CFAP74: variants seen among roughly 807,000 people sequenced by gnomAD.
The protein encoded by CFAP74 is cilia- and flagella-associated protein 74.
Under a neutral mutation model 188.9 loss-of-function variants are expected in CFAP74, and 124 were observed. The ratio of observed to expected loss-of-function variants is 0.66; its 90% CI spans 0.57 to 0.76. CFAP74 has a LOEUF of 0.76. Ranked by LOEUF, CFAP74 falls within the 30% of genes least tolerant of loss-of-function variation. The pLI is 0.00. For missense variants in CFAP74, 2,198 were observed against 2,165.2 expected, an observed-to-expected ratio of 1.02 and a Z score of -0.30; for synonymous variants, 956 against 916.7, an observed-to-expected ratio of 1.04 and a Z score of -0.77.
At chr1:1,932,445 G>T (rs1488331581) in intron 25 of CFAP74, among the ~76,000 whole-genome samples, 1 of 151,598 alleles carries the variant, frequency 6.6e-6, no homozygotes, top group Admixed American at 6.6e-5. Context: ...GTGTTGCCCA[G>T]GCTGGTCTCA....
chr1:1,930,121 AG>A lies in CFAP74; in HGVS notation c.3226del (p.Leu1076CysfsTer37). The A allele has an allele frequency of 2.0e-6, 3 of 1,535,300 alleles. No homozygotes were observed. Among genetic ancestry groups the A allele is most frequent in the Non-Finnish European group, 2.6e-6 (3 of 1,146,398 alleles). The stretch of plus-strand genomic sequence containing the variant: ...GGTGATAGGCGAGTCTGGGGGCAGC[AG>A]GAACTCGAAAGACGTGGGCCCCATG... ...SPMGPTSFEFLLPPDSPITIS... is the reference protein window; with the variant it reads ...SPMGPTSFEFXLPPDSPITIS... On this transcript the variant is annotated frameshift_variant, in exon 26 of 39. Coordinates refer to ENST00000682832, the MANE Select transcript of CFAP74 (RefSeq NM_001304360.2). LOFTEE classifies it high-confidence loss of function.
rs117346635 is a variant in CFAP74, at chr1:1,974,046, C to T, written c.653G>A (p.Arg218Gln). The change falls in exon 7 of 39, where the codon CGG (arginine) becomes CAG (glutamine). Residue 218 changes from arginine (R) to glutamine (Q), a missense_variant. Physicochemically the swap from Arg to Gln is conservative, Grantham distance 43. Coordinates refer to ENST00000682832, the MANE Select transcript of CFAP74 (RefSeq NM_001304360.2). ...REQEALGKVERNRLLRIRKSL... is the reference protein window; with the variant it reads ...REQEALGKVEQNRLLRIRKSL... The stretch of plus-strand genomic sequence containing the variant: ...CTACCTGATCCTCAGCAGTCGGTTC[C>T]GCTCCACCTTCCCCAGGGCCTCCTG... 574 of 1,589,932 alleles carry T rather than the reference C, an allele frequency of 3.6e-4. 3 individuals are homozygous for T. The East Asian group carries it at 0.01, about 28-fold the overall frequency.
chr1:1,945,681 A>G (rs932215622), intron 20 of CFAP74, among the ~76,000 whole-genome samples: 2 of 152,034 alleles, frequency 1.3e-5, no homozygotes, highest in Non-Finnish European at 2.9e-5. Flanking sequence ...TACAAAAGTT[A>G]GCCAGGTGTG....
At chr1:1,996,219 G>C (rs181750832) in intron 1 of CFAP74, among the ~76,000 whole-genome samples, 2 of 152,052 alleles carry the variant, frequency 1.3e-5, no homozygotes, top group Non-Finnish European at 2.9e-5. Flanking sequence ...TCAAGACCTC[G>C]GGTAATCCGC....
chr1:1,940,390 C>T lies in CFAP74; in HGVS notation c.2629G>A (p.Glu877Lys). The T allele has an allele frequency of 3.3e-6, 5 of 1,531,574 alleles. No individual in the cohort carries two copies. Among genetic ancestry groups the T allele is most frequent in the Non-Finnish European group, 4.4e-6 (5 of 1,145,074 alleles). 94.9% of individuals were successfully genotyped at this position (1,531,574 alleles called of 1,614,324 possible). A position where few individuals can be genotyped will look rare whatever the true frequency, so the allele number is the denominator to read the frequency against. ...LKFLPRHSLP[E>K]DAGRYFDKET... ...TTGTCAAAATACCTCCCTGCGTCCT[C>T]CGGGAGGGAGTGTCTGAAAGAGGCA... Residue 877 changes from glutamate (E) to lysine (K), a missense_variant, in exon 23 of 39, where the codon GAG (glutamate) becomes AAG (lysine). By Grantham distance (56) the Glu-to-Lys change is moderately conservative. Coordinates refer to ENST00000682832, the MANE Select transcript of CFAP74 (RefSeq NM_001304360.2).
At position 1,935,325 on chromosome 1, in the gene CFAP74, C is replaced by T. The variant is rs543689146; in HGVS notation, c.3011+3530G>A. The stretch of plus-strand genomic sequence containing the variant: ...ATACGTGGGTGTTAGGTTGTAGGTA[C>T]ACAGGTGTGTACGTGGGTGTTAGGT... On this transcript the variant is annotated intron_variant, in intron 25 of 38. Transcript: ENST00000682832. Among the ~76,000 whole-genome samples, 287 of 89,986 alleles carry T rather than the reference C, an allele frequency of 3.2e-3. 72 individuals carry two copies. The highest frequency in any genetic ancestry group is 0.011 in the African/African-American group (281 of 24,638). The allele number at this position is 89,986 out of a possible 152,430, so 59.0% of individuals were successfully genotyped here.
chr1:1,978,548 G>A (rs535350270), intron 6 of CFAP74, among the ~76,000 whole-genome samples: 1 of 152,320 alleles, frequency 6.6e-6, no homozygotes, highest in East Asian at 1.9e-4. Context: ...TGATGATGAA[G>A]GTTGGAGGCT....
chr1:1,943,793 T>A (rs933975613), intron 21 of CFAP74, among the ~76,000 whole-genome samples: 4 of 152,202 alleles, frequency 2.6e-5, no homozygotes, highest in Admixed American at 2.6e-4. Context: ...TCTCTCCACG[T>A]CCTGGAGGTC....
intron 14 of CFAP74, among the ~76,000 whole-genome samples, chr1:1,961,621 GA>G (rs1361592819): frequency 6.6e-6 from 1 of 152,118 alleles, no homozygotes; most frequent in African/African-American, 2.4e-5. Context: ...GGATCAATGA[GA>G]GAAACAGGCG....
At chr1:1,949,143 C>T (rs1397816590) in intron 18 of CFAP74, among the ~76,000 whole-genome samples, 7 of 115,890 alleles carry the variant, frequency 6.0e-5, no homozygotes, top group East Asian at 3.2e-4. Context: ...CTCCCTCCCT[C>T]CCTTCCTTCC....
Position 1,939,772 on chromosome 1 carries a change from G to A in CFAP74, c.2704-5C>T, listed in dbSNP as rs1653234110. The stretch of plus-strand genomic sequence containing the variant: ...GGTGAATCCCACTGGCTTGTTCTGA[G>A]ACATAAAGGGCACAGGCGCCCTCGC... On this transcript the variant is annotated splice_region_variant and splice_polypyrimidine_tract_variant and intron_variant, in intron 23 of 38. Coordinates refer to ENST00000682832, the MANE Select transcript of CFAP74 (RefSeq NM_001304360.2). 2.6e-6 allele frequency: 4 copies of A among 1,532,920 alleles called. No individual in the cohort carries two copies. Among genetic ancestry groups the A allele is most frequent in the Non-Finnish European group, 3.5e-6 (4 of 1,144,242 alleles). 95.0% of individuals were successfully genotyped at this position (1,532,920 alleles called of 1,614,324 possible).
chr1:1,951,798 C>T (rs1001008106), intron 18 of CFAP74, among the ~76,000 whole-genome samples: 2 of 152,178 alleles, frequency 1.3e-5, no homozygotes, highest in African/African-American at 4.8e-5. Flanking sequence ...TGGCCAGGTG[C>T]AGTGGCTCAC....
At chr1:1,961,337 G>A (rs532112186) in intron 14 of CFAP74, among the ~76,000 whole-genome samples, 112 of 152,220 alleles carry the variant, frequency 7.4e-4, no homozygotes, top group African/African-American at 1.6e-3. Flanking sequence ...CACACCAGAC[G>A]CACAGCAGAG....
At position 1,963,847 on chromosome 1, in the gene CFAP74, C is replaced by G; in HGVS notation, c.1596G>C (p.Val532=). Residue 532 remains valine (V), a synonymous_variant, in exon 14 of 39, where the codon GTG becomes GTC. Coordinates refer to ENST00000682832, the MANE Select transcript of CFAP74 (RefSeq NM_001304360.2). The part of the protein sequence containing the change: ...LHFQDFDIGK[V]YKKKITLVNT... Reference sequence around the variant, plus strand: ...TTACCAACGTGATCTTTTTCTTGTACACTTTGCCAATATCAAAGTCCTGGG... The same window carrying G: ...TTACCAACGTGATCTTTTTCTTGTAGACTTTGCCAATATCAAAGTCCTGGG... 1 of 1,613,614 alleles carries G rather than the reference C, an allele frequency of 6.2e-7. No individual in the cohort carries two copies. Among genetic ancestry groups the G allele is most frequent in the Non-Finnish European group, 8.5e-7 (1 of 1,179,694 alleles).
chr1:1,982,484 T>A (rs1459729389), intron 6 of CFAP74, among the ~76,000 whole-genome samples: 1 of 152,252 alleles, frequency 6.6e-6, no homozygotes, highest in Non-Finnish European at 1.5e-5. Flanking sequence ...AGGAGCTCCA[T>A]CGGAGCACCC....
chr1:1,955,772 T>A lies in CFAP74; in HGVS notation c.2095A>T (p.Thr699Ser). 6.2e-7 allele frequency: 1 copy of A among 1,614,242 alleles called. No homozygotes were observed. The highest frequency in any genetic ancestry group is 8.5e-7 in the Non-Finnish European group (1 of 1,180,054). Residue 699 changes from threonine (T) to serine (S), a missense_variant, in exon 18 of 39, where the codon ACG (threonine) becomes TCG (serine). Physicochemically the swap from Thr to Ser is moderately conservative, Grantham distance 58. Coordinates refer to ENST00000682832, the MANE Select transcript of CFAP74 (RefSeq NM_001304360.2). Reference sequence around the variant, plus strand: ...TGCATGTCCGCCTGGGAGGACTCCGTGCCCTCTAGCTGCTGCTCAGAGAAG... The same window carrying A: ...TGCATGTCCGCCTGGGAGGACTCCGAGCCCTCTAGCTGCTGCTCAGAGAAG... ...TSFSEQQLEG[T>S]ESSQADMQSR...
chr1:1,994,703 A>C (rs1020609729), intron 1 of CFAP74, among the ~76,000 whole-genome samples: 1 of 152,236 alleles, frequency 6.6e-6, no homozygotes, highest in South Asian at 2.1e-4. Context: ...GTCTTCTAAA[A>C]GGTGTCATTG....
chr1:1,925,100 G>A (rs540002809), intron 33 of CFAP74, among the ~76,000 whole-genome samples: 28 of 150,592 alleles, frequency 1.9e-4, no homozygotes, highest in East Asian at 1.2e-3. Context: ...ACACTGGTGC[G>A]AAGGCATGAG....
At chr1:1,937,708 C>A (rs1468205765) in intron 25 of CFAP74, among the ~76,000 whole-genome samples, 1 of 152,172 alleles carries the variant, frequency 6.6e-6, no homozygotes, top group South Asian at 2.1e-4. Context: ...AGAACCCACG[C>A]AGGACCACCA....
Sources: gnomAD v4.1 joint callset for allele counts (sites outside exome capture counted in the v4.1 genomes callset) on GRCh38, gnomAD v4.1.1 for gene constraint, MANE v1.5 for transcripts, NCBI Gene and HGNC (gene_info 2026-07-23, HGNC 2026-07-21) for gene names.